The following PKHD1L1 variants were observed in gnomAD, a reference collection of about 807,000 sequenced individuals.
PKHD1L1 encodes the protein fibrocystin-L.
PKHD1L1 carries 434 observed loss-of-function variants against 462.9 expected under a neutral mutation model. That is an observed-to-expected ratio of 0.94 (90% CI 0.87 to 1.02). PKHD1L1 has a LOEUF of 1.02. Among genes scored for constraint, PKHD1L1 ranks in the 50% least tolerant of loss-of-function variants. PKHD1L1 has a pLI of 0.00. For synonymous variants in PKHD1L1, 1,781 were observed against 1,750.0 expected (o/e 1.02, Z -0.44); for missense variants, 5,202 against 5,096.1 (o/e 1.02, Z -0.63).
intron 38 of PKHD1L1, 68 bp from the exon 39 acceptor site, chr8:109,448,075 T>A: frequency 1.5e-6 from 2 of 1,335,958 alleles, no homozygotes; most frequent in Non-Finnish European, 1.0e-6. Flanking sequence ...AGTAAAGAGG[T>A]ATATCTTTAA....
chr8:109,484,926 A>G, intron 57 of PKHD1L1, 118 bp from the exon 58 acceptor site: 1 of 780,936 alleles, frequency 1.3e-6, no homozygotes. Context: ...ATTCTTTCTG[A>G]TAATACCATA....
At chr8:109,511,975 T>C (rs1820012861) in intron 71 of PKHD1L1, among the ~76,000 whole-genome samples, 1 of 152,240 alleles carries the variant, frequency 6.6e-6, no homozygotes, top group Non-Finnish European at 1.5e-5. Flanking sequence ...TGCGTTTTTT[T>C]GGCTGCATAA....
chr8:109,490,614 T>C (rs1818777943), intron 60 of PKHD1L1, among the ~76,000 whole-genome samples: 1 of 151,564 alleles, frequency 6.6e-6, no homozygotes, highest in African/African-American at 2.4e-5. Context: ...TTTTTTGTAA[T>C]TAAAAAAAAA....
At chr8:109,508,020 A>G (rs545685434) in intron 69 of PKHD1L1, 77 bp from the exon 70 acceptor site, 7 of 1,496,448 alleles carry the variant, frequency 4.7e-6, no homozygotes, top group Non-Finnish European at 6.3e-6. Context: ...CTAGCATAAC[A>G]AGAAATAGAT....
At chr8:109,430,179 A>G in intron 27 of PKHD1L1, 142 bp downstream of exon 27, 1 of 470,646 alleles carries the variant, frequency 2.1e-6, no homozygotes, top group Non-Finnish European at 3.7e-6. Flanking sequence ...AAAATTAAAA[A>G]CCCTATCAGA....
intron 77 of PKHD1L1, 121 bp from the exon 78 acceptor site, chr8:109,529,959 T>A: frequency 1.8e-6 from 1 of 547,776 alleles, no homozygotes; most frequent in Non-Finnish European, 2.8e-6. Flanking sequence ...ATGGGTAAAC[T>A]TGGAAATACT....
At chr8:109,392,562 G>T (rs1812763138) in intron 9 of PKHD1L1, among the ~76,000 whole-genome samples, 1 of 151,530 alleles carries the variant, frequency 6.6e-6, no homozygotes, top group Non-Finnish European at 1.5e-5. Flanking sequence ...GAGGAAATTT[G>T]TGTTTCTGTA....
At chr8:109,432,145 T>C (rs1325568370) in intron 27 of PKHD1L1, among the ~76,000 whole-genome samples, 3 of 152,200 alleles carry the variant, frequency 2.0e-5, no homozygotes, top group African/African-American at 7.2e-5. Context: ...TATTGAATTG[T>C]CTTTTTAAAA....
intron 19 of PKHD1L1, 99 bp from the exon 20 acceptor site, chr8:109,412,166 T>C (rs746877750): frequency 8.7e-7 from 1 of 1,153,230 alleles, no homozygotes; most frequent in Admixed American, 2.5e-5. Context: ...AGGGAAACAA[T>C]GGGATCTGGG....
At position 109,496,972 on chromosome 8, in the gene PKHD1L1, T is replaced by A. The variant is rs751782368; in HGVS notation, c.10381T>A (p.Tyr3461Asn). 1 of 1,613,446 alleles carries A rather than the reference T, an allele frequency of 6.2e-7. No individual in the cohort carries two copies. Among genetic ancestry groups the A allele is most frequent in the South Asian group, 1.1e-5 (1 of 91,068 alleles). The part of the protein sequence containing the change: ...WFDNEAHGGL[Y>N]GIYMNQDGLP... Reference sequence around the variant, plus strand: ...TGACAATGAAGCCCATGGAGGTTTATATGGGATCTATATGAACCAAGATGG... The same window carrying A: ...TGACAATGAAGCCCATGGAGGTTTAAATGGGATCTATATGAACCAAGATGG... The change falls in exon 64 of 78, where the codon TAT becomes AAT. Residue 3461 changes from tyrosine to asparagine, a missense_variant. Coordinates refer to ENST00000378402, the MANE Select transcript of PKHD1L1 (RefSeq NM_177531.6).
At chr8:109,512,480 G>C (rs190117733) in intron 71 of PKHD1L1, among the ~76,000 whole-genome samples, 31 of 152,102 alleles carry the variant, frequency 2.0e-4, no homozygotes, top group Middle Eastern at 3.4e-3. Flanking sequence ...TGTTTTTCTC[G>C]GGTTTGCCAA....
intron 68 of PKHD1L1, 53 bp downstream of exon 68, chr8:109,504,545 C>T (rs1344243818): frequency 1.8e-6 from 2 of 1,098,014 alleles, no homozygotes; most frequent in East Asian, 6.3e-5. Context: ...TTCATTCTCA[C>T]TTCCTCCTGC....
Position 109,464,854 on chromosome 8 carries a change from G to C in PKHD1L1, c.8022G>C (p.Val2674=), listed in dbSNP as rs1248674005. ...GTGCCCTTCAGTTCCATAACTTTGTGATGGTGAATAACTATGAGGCTGGAA... is the reference window on the plus strand; with the variant it reads ...GTGCCCTTCAGTTCCATAACTTTGTCATGGTGAATAACTATGAGGCTGGAA... ...NGGALQFHNF[V]MVNNYEAGIE... is the part of the protein sequence containing the mutation. The change falls in exon 49 of 78, where the codon GTG becomes GTC. Residue 2674 remains valine (V), a synonymous_variant. Coordinates refer to ENST00000378402, the MANE Select transcript of PKHD1L1 (RefSeq NM_177531.6). The C allele has an allele frequency of 6.2e-6, 10 of 1,613,740 alleles. No individual in the cohort carries two copies. Among genetic ancestry groups the C allele is most frequent in the Non-Finnish European group, 8.5e-6 (10 of 1,179,816 alleles).
At chr8:109,375,228 C>T (rs201990941) in intron 2 of PKHD1L1, among the ~76,000 whole-genome samples, 1 of 152,202 alleles carries the variant, frequency 6.6e-6, no homozygotes, top group Non-Finnish European at 1.5e-5. Context: ...CTAAACTTCT[C>T]TTCACGCTTC....
At chr8:109,520,152 G>T (rs751593429) in intron 73 of PKHD1L1, among the ~76,000 whole-genome samples, 8 of 152,094 alleles carry the variant, frequency 5.3e-5, no homozygotes, top group Non-Finnish European at 1.0e-4. Flanking sequence ...GCCTAGGCTT[G>T]TGTTGCAACC....
rs1819945288 is a variant in PKHD1L1 at position 109,510,968 on chromosome 8, G to T, written c.11553+34G>T. Reference sequence around the variant, plus strand: ...AGATGTCTTAAGAGTAATTGCTGTTGATTATTTGCATGTTATTTCTATCTG... The same window carrying T: ...AGATGTCTTAAGAGTAATTGCTGTTTATTATTTGCATGTTATTTCTATCTG... On this transcript the variant is annotated intron_variant, in intron 71 of 77. Coordinates refer to ENST00000378402, the MANE Select transcript of PKHD1L1 (RefSeq NM_177531.6). 7 of 1,597,518 alleles carry T rather than the reference G, an allele frequency of 4.4e-6. No individual in the cohort carries two copies. The South Asian group carries it at 4.5e-5, about 10-fold the overall frequency.
chr8:109,437,583 T>G (rs1433193253), intron 30 of PKHD1L1, among the ~76,000 whole-genome samples: 2 of 148,262 alleles, frequency 1.3e-5, no homozygotes, highest in African/African-American at 5.0e-5. Context: ...GGTTTCCTTA[T>G]TACATGCCAA....
intron 39 of PKHD1L1, among the ~76,000 whole-genome samples, 190 bp downstream of exon 39, chr8:109,448,581 G>A (rs1816300793): frequency 6.7e-6 from 1 of 149,946 alleles, no homozygotes; most frequent in Non-Finnish European, 1.5e-5. Flanking sequence ...GCGCGATCTT[G>A]GCTCATTGCA....
chr8:109,481,616 A>ACAGAGCC, intron 56 of PKHD1L1, 54 bp downstream of exon 56: 12 of 1,446,610 alleles, frequency 8.3e-6, no homozygotes, highest in African/African-American at 1.4e-5. Flanking sequence ...ATCTACTTTA[A>ACAGAGCC]AATATATGGC....
Sources: allele counts gnomAD v4.1 joint callset (sites outside exome capture counted in the v4.1 genomes callset), GRCh38; gene constraint gnomAD v4.1.1; transcripts MANE v1.5; gene names NCBI Gene and HGNC (gene_info 2026-07-23, HGNC 2026-07-21).